MED25: variants seen among roughly 807,000 people sequenced by gnomAD.
MED25 encodes mediator complex subunit 25.
Under a neutral mutation model 89.4 loss-of-function variants are expected in MED25, and 62 were observed. The observed-to-expected ratio is 0.69, with a 90% confidence interval of 0.57 to 0.86. The LOEUF (loss-of-function observed/expected upper bound fraction) is 0.86. Ranked by LOEUF, MED25 falls within the 40% of genes least tolerant of loss-of-function variation. The pLI is 0.00. For missense variants in MED25, 905 were observed against 1,005.2 expected (o/e 0.90, Z 1.35); for synonymous variants, 449 against 427.9 (o/e 1.05, Z -0.61).
chr19:49,821,049 CAA>C lies in MED25; in HGVS notation c.305+1754_305+1755del, dbSNP rs1260251779. ...ACGCAGTTTCTGTGAGTCAAGGACACAAGAGTGGCTTGGCTGGATGGTTGGGC... is the reference window on the plus strand; with the variant it reads ...ACGCAGTTTCTGTGAGTCAAGGACACGAGTGGCTTGGCTGGATGGTTGGGC... On this transcript the variant is annotated intron_variant, in intron 3 of 17. Coordinates refer to ENST00000312865, the MANE Select transcript of MED25 (RefSeq NM_030973.4). Among the ~76,000 whole-genome samples, 7 of 152,216 alleles carry C rather than the reference CAA, an allele frequency of 4.6e-5. No individual in the cohort carries two copies. The East Asian group carries it at 9.6e-4, about 21-fold the overall frequency.
Position 49,818,747 on chromosome 19 carries a change from T to C in MED25, c.180+131T>C, listed in dbSNP as rs1037408941. ...AGGAGGGGCTGGGGGTCTGGACTCC[T>C]TGTTCTGAGGGAGGAGGGCCTGGGG... On this transcript the variant is annotated intron_variant, in intron 2 of 17. Coordinates refer to ENST00000312865, the MANE Select transcript of MED25 (RefSeq NM_030973.4). 9 of 910,538 alleles carry C rather than the reference T, an allele frequency of 9.9e-6. No homozygotes were observed. The African/African-American group carries it at 1.2e-4, about 12-fold the overall frequency. The allele number at this position is 910,538 out of a possible 1,614,324, so 56.4% of individuals were successfully genotyped here. A position where few individuals can be genotyped will look rare whatever the true frequency, so the allele number is the denominator to read the frequency against.
intron 3 of MED25, among the ~76,000 whole-genome samples, chr19:49,827,562 G>C (rs890754354): frequency 1.3e-5 from 2 of 152,078 alleles, no homozygotes; most frequent in Non-Finnish European, 2.9e-5. Flanking sequence ...CTGTGTGTGT[G>C]TCCGTGTCCA....
At position 49,835,744 on chromosome 19, in the gene MED25, G is replaced by A. The variant is rs758729127; in HGVS notation, c.1764G>A (p.Pro588=). The A allele has an allele frequency of 4.5e-5, 72 of 1,610,224 alleles. No homozygotes were observed. The highest frequency in any genetic ancestry group is 5.8e-5 in the Non-Finnish European group (68 of 1,178,702). The change falls in exon 16 of 18, where the codon CCG becomes CCA. Residue 588 remains proline, a synonymous_variant. Transcript: ENST00000312865. The surrounding 1 kb of genome is among the most constrained non-coding windows in gnomAD (Gnocchi z 6.2). ...PSQNLLQLRP[P]QPQPQGTVGA... is the part of the protein sequence containing the mutation. The stretch of plus-strand genomic sequence containing the variant: ...CCCACCAGCTCCAGCTCCGCCCACC[G>A]CAGCCCCAGCCTCAGGGTACCGTAG...
At chr19:49,840,179 G>A (rs2074124226), downstream of MED25, 1 of 152,172 alleles carries the variant, frequency 6.6e-6, no homozygotes, top group African/African-American at 2.4e-5. Context: ...ACATCTCGGT[G>A]TGGAAGGGAA....
At position 49,831,344 on chromosome 19, in the gene MED25, G is replaced by A; in HGVS notation, c.1113G>A (p.Val371=). 6.2e-7 allele frequency: 1 copy of A among 1,611,138 alleles called. No individual in the cohort carries two copies. Among genetic ancestry groups the A allele is most frequent in the Non-Finnish European group, 8.5e-7 (1 of 1,179,004 alleles). ...QPGAPSMAGT[V]APGGVSGPSP... ...CTCCCCTCTGGCAGGCAGGCACTGT[G>A]GCCCCAGGAGGGGTGAGCGGCCCTT... Residue 371 remains valine, a synonymous_variant, in exon 10 of 18, where the codon GTG becomes GTA. Transcript: ENST00000312865. This position sits in a 1 kb window ranked among gnomAD's most constrained non-coding sequence, Gnocchi z 5.0.
At chr19:49,838,332 G>A, downstream of MED25, 1 of 348,586 alleles carries the variant, frequency 2.9e-6, no homozygotes, top group South Asian at 2.2e-5. Flanking sequence ...TGCAGTCTTG[G>A]CTTCTTTTGA....
intron 3 of MED25, among the ~76,000 whole-genome samples, chr19:49,827,338 C>T (rs2074022457): frequency 6.6e-6 from 1 of 152,128 alleles, no homozygotes. Context: ...TCCCAGGCTG[C>T]CGTAGCAAAG....
chr19:49,820,207 G>T (rs928463473), intron 3 of MED25, among the ~76,000 whole-genome samples: 2 of 152,154 alleles, frequency 1.3e-5, no homozygotes, highest in East Asian at 3.8e-4. Flanking sequence ...GGCCCAAGCC[G>T]ACTCACGTCC....
rs1350880976 is a variant in MED25, at chr19:49,835,633, C to A, written c.1746+28C>A. On this transcript the variant is annotated intron_variant, in intron 15 of 17. Coordinates refer to ENST00000312865, the MANE Select transcript of MED25 (RefSeq NM_030973.4). This position sits in a 1 kb window ranked among gnomAD's most constrained non-coding sequence, Gnocchi z 6.2. ...GAGGACAGGGCTGGCGGGGTCGGGG[C>A]TGGGTTGGGGAGGCCCCAAGGCTGC... The A allele has an allele frequency of 7.7e-6, 12 of 1,556,950 alleles. No homozygotes were observed. In the South Asian group the frequency reaches 1.3e-4, roughly 17 times the overall value.
chr19:49,819,312 C>T lies in MED25; in HGVS notation c.305+16C>T. On this transcript the variant is annotated intron_variant, in intron 3 of 17. Transcript: ENST00000312865. The stretch of plus-strand genomic sequence containing the variant: ...ATGGCATTAAGTGAGCTTTCCCCCA[C>T]TTGGGGTGGGTTGCTGGTCCCTGTG... 7.3e-7 allele frequency: 1 copy of T among 1,371,710 alleles called. No individual in the cohort carries two copies. Among genetic ancestry groups the T allele is most frequent in the Non-Finnish European group, 9.5e-7 (1 of 1,048,666 alleles). 85.0% of individuals were successfully genotyped at this position (1,371,710 alleles called of 1,614,324 possible).
At position 49,818,633 on chromosome 19, in the gene MED25, C is replaced by T; in HGVS notation, c.180+17C>T. On this transcript the variant is annotated intron_variant, in intron 2 of 17. Transcript: ENST00000312865. ...GGGGGAGACGTGAGTCTAGGGACTC[C>T]TGGGCCTGAGGGAGGAGGGGCCGGG... 2.5e-6 allele frequency: 4 copies of T among 1,611,970 alleles called. No homozygotes were observed. Among genetic ancestry groups the T allele is most frequent in the Non-Finnish European group, 3.4e-6 (4 of 1,178,276 alleles).
chr19:49,830,990 G>A lies in MED25; in HGVS notation c.1101+103G>A, dbSNP rs940596470. Reference sequence around the variant, plus strand: ...TGCCTTCCAGGGGGATGTGGCTCTCGTGGTTCTGGGGCTTTGGGGGCTCGT... The same window carrying A: ...TGCCTTCCAGGGGGATGTGGCTCTCATGGTTCTGGGGCTTTGGGGGCTCGT... On this transcript the variant is annotated intron_variant, in intron 9 of 17. Transcript: ENST00000312865. The surrounding 1 kb of genome is among the most constrained non-coding windows in gnomAD (Gnocchi z 4.6). 37 of 1,304,134 alleles carry A rather than the reference G, an allele frequency of 2.8e-5. No individual in the cohort carries two copies. The highest frequency in any genetic ancestry group is 5.9e-5 in the South Asian group (5 of 84,758). The allele number at this position is 1,304,134 out of a possible 1,614,324, so 80.8% of individuals were successfully genotyped here.
In MED25 at chr19:49,819,318, G is replaced by C. The variant is rs374589862; in HGVS notation, c.305+22G>C. On this transcript the variant is annotated intron_variant, in intron 3 of 17. Transcript: ENST00000312865. ...TTAAGTGAGCTTTCCCCCACTTGGG[G>C]TGGGTTGCTGGTCCCTGTGAGGGGC... The C allele has an allele frequency of 1.2e-5, 20 of 1,613,606 alleles. No homozygotes were observed. The African/African-American group carries it at 2.4e-4, about 19-fold the overall frequency.
rs915386083 is a variant in MED25 at position 49,831,735 on chromosome 19, A to G, written c.1231-201A>G. On this transcript the variant is annotated intron_variant, in intron 10 of 17. Transcript: ENST00000312865. The surrounding 1 kb of genome is among the most constrained non-coding windows in gnomAD (Gnocchi z 5.0). ...CGATGTATCATCTGGGGCACAGTGG[A>G]TGGTGGGATTTAGGGGCCGGGCACG... 6.6e-6 allele frequency among the ~76,000 whole-genome samples: 1 copy of G among 151,812 alleles called. No homozygotes were observed. The highest frequency in any genetic ancestry group is 2.4e-5 in the African/African-American group (1 of 41,326).
Position 49,819,409 on chromosome 19 carries a change from G to A in MED25, c.305+113G>A, listed in dbSNP as rs1425871971. The A allele has an allele frequency of 1.2e-4, 147 of 1,206,034 alleles. 7 individuals are homozygous for A. The South Asian group carries it at 1.9e-3, about 15-fold the overall frequency. 74.7% of individuals were successfully genotyped at this position (1,206,034 alleles called of 1,614,324 possible). Reference sequence around the variant, plus strand: ...AGAGGCTGTGAATAAGTGATGGCTTGGGGTGGTTGGTGTCCCCGTGAGGGG... The same window carrying A: ...AGAGGCTGTGAATAAGTGATGGCTTAGGGTGGTTGGTGTCCCCGTGAGGGG... On this transcript the variant is annotated intron_variant, in intron 3 of 17. Coordinates refer to ENST00000312865, the MANE Select transcript of MED25 (RefSeq NM_030973.4).
chr19:49,828,260 C>A (rs373391848), intron 3 of MED25, among the ~76,000 whole-genome samples, 189 bp from the exon 4 acceptor site: 2 of 151,702 alleles, frequency 1.3e-5, no homozygotes, highest in Non-Finnish European at 2.9e-5. Flanking sequence ...CAGCAAATGT[C>A]CCCTGTCCTG....
rs1555802864 is a variant in MED25, at chr19:49,835,919, C to T, written c.1939C>T (p.Arg647Ter). 1 of 1,612,906 alleles carries T rather than the reference C, an allele frequency of 6.2e-7. No homozygotes were observed. The highest frequency in any genetic ancestry group is 8.5e-7 in the Non-Finnish European group (1 of 1,179,956). Residue 647 changes from arginine to a stop codon, truncating the protein, a stop_gained, in exon 16 of 18, where the codon CGA (arginine) becomes TGA (stop). Coordinates refer to ENST00000312865, the MANE Select transcript of MED25 (RefSeq NM_030973.4). LOFTEE classifies it high-confidence loss of function. The surrounding 1 kb of genome is among the most constrained non-coding windows in gnomAD (Gnocchi z 6.2). ...GAACCCTGGGGCCAACCCTCAGCTG[C>T]GAAGCCTCCTCCTCAACCCACCACC... ...PQNPGANPQL[R>*]SLLLNPPPPQ...
At chr19:49,824,850 C>T (rs2074005573) in intron 3 of MED25, among the ~76,000 whole-genome samples, 2 of 152,112 alleles carry the variant, frequency 1.3e-5, no homozygotes, top group Non-Finnish European at 1.5e-5. Flanking sequence ...CTCATTTTGA[C>T]CTCCTGGGGC....
Position 49,836,440 on chromosome 19 carries a change from C to T in MED25, c.2146+34C>T, listed in dbSNP as rs1256387291. ...ACCCGGGGGAGGGCAGAGGTCTGGACTGAGTGTCCCAGCAGCTCCTGGGCT... is the reference window on the plus strand; with the variant it reads ...ACCCGGGGGAGGGCAGAGGTCTGGATTGAGTGTCCCAGCAGCTCCTGGGCT... On this transcript the variant is annotated intron_variant, in intron 17 of 17. Transcript: ENST00000312865. The surrounding 1 kb of genome is among the most constrained non-coding windows in gnomAD (Gnocchi z 5.1). 6.4e-7 allele frequency: 1 copy of T among 1,559,668 alleles called. No homozygotes were observed. Among genetic ancestry groups the T allele is most frequent in the Admixed American group, 1.9e-5 (1 of 52,822 alleles).
Sources: gnomAD v4.1 joint callset for allele counts (sites outside exome capture counted in the v4.1 genomes callset) on GRCh38, gnomAD v4.1.1 for gene constraint, Gnocchi (gnomAD v3.1) non-coding constraint, MANE v1.5 for transcripts, NCBI Gene and HGNC (gene_info 2026-07-23, HGNC 2026-07-21) for gene names.